Variants in LIN28B observed in about 807,000 individuals in gnomAD.
LIN28B encodes the protein protein lin-28 homolog B.
In LIN28B, 5 loss-of-function variants were observed where a neutral mutation model predicts 21.9. The observed-to-expected ratio is 0.23, with a 90% CI of 0.12 to 0.48. The LOEUF is 0.48. Ranked by LOEUF, LIN28B falls within the 20% of genes least tolerant of loss-of-function variation. LIN28B has a pLI of 0.98. For missense variants in LIN28B, 245 were observed against 310.5 expected (o/e 0.79, Z 1.58); for synonymous variants, 109 against 111.3 (o/e 0.98, Z 0.13).
At chr6:105,050,429 C>T (rs1346366424) in intron 3 of LIN28B, among the ~76,000 whole-genome samples, 110 of 151,064 alleles carry the variant, frequency 7.3e-4, no homozygotes, top group Non-Finnish European at 1.2e-3. Flanking sequence ...GGTGAAACCC[C>T]GTCTCTACTA....
At chr6:104,986,556 GT>G (rs1770350145) in intron 2 of LIN28B, among the ~76,000 whole-genome samples, 1 of 148,194 alleles carries the variant, frequency 6.7e-6, no homozygotes, top group African/African-American at 2.5e-5. Context: ...AAAAGTCTCT[GT>G]GGGGGTTTTG....
intron 2 of LIN28B, among the ~76,000 whole-genome samples, chr6:105,006,048 C>T (rs182237777): frequency 6.6e-6 from 1 of 152,210 alleles, no homozygotes; most frequent in East Asian, 1.9e-4. Flanking sequence ...CCTTTATGTT[C>T]CTTTTTTCTG....
chr6:105,078,322 T>A, intron 3 of LIN28B, 92 bp from the exon 4 acceptor site: 1 of 1,138,782 alleles, frequency 8.8e-7, no homozygotes, highest in South Asian at 1.5e-5. Flanking sequence ...TAAGCTTATC[T>A]CATTGGTAGT....
chr6:104,997,105 C>T (rs1218308970), intron 2 of LIN28B, among the ~76,000 whole-genome samples: 1 of 151,932 alleles, frequency 6.6e-6, no homozygotes, highest in Non-Finnish European at 1.5e-5. Flanking sequence ...CACGGTGAAG[C>T]CCCATCTCTA....
intron 3 of LIN28B, among the ~76,000 whole-genome samples, chr6:105,045,084 A>G (rs755340543): frequency 1.3e-5 from 2 of 152,168 alleles, no homozygotes; most frequent in Admixed American, 6.5e-5. Flanking sequence ...GAGCAGTAAT[A>G]GAAGAAGCAG....
intron 2 of LIN28B, among the ~76,000 whole-genome samples, chr6:104,998,469 A>G (rs1006973491): frequency 1.3e-5 from 2 of 152,140 alleles, no homozygotes; most frequent in Admixed American, 1.3e-4. Context: ...AGACAATAAT[A>G]ATTTGTGATT....
intron 2 of LIN28B, among the ~76,000 whole-genome samples, chr6:104,967,761 C>T (rs1187521238): frequency 6.6e-6 from 1 of 151,960 alleles, no homozygotes; most frequent in Non-Finnish European, 1.5e-5. Flanking sequence ...CTCACTGCAA[C>T]TTCGAACTCC....
At chr6:104,943,638 T>C (rs1778123507) in intron 2 of LIN28B, among the ~76,000 whole-genome samples, 1 of 152,180 alleles carries the variant, frequency 6.6e-6, no homozygotes, top group Admixed American at 6.5e-5. Flanking sequence ...AGCGTTTTCT[T>C]ATTAGGTATT....
upstream of LIN28B, among the ~76,000 whole-genome samples, chr6:104,953,217 A>G (rs1366502814): frequency 6.6e-6 from 1 of 151,730 alleles, no homozygotes; most frequent in African/African-American, 2.4e-5. Context: ...TTTTTTCTTG[A>G]TCCTCCGAAG....
At chr6:105,000,664 A>T in intron 2 of LIN28B, among the ~76,000 whole-genome samples, 1 of 151,554 alleles carries the variant, frequency 6.6e-6, no homozygotes, top group Non-Finnish European at 1.5e-5. Context: ...AAAGAATAAA[A>T]ATTTAAAATA....
At chr6:104,937,330 C>A (rs1778021605) in intron 2 of LIN28B, among the ~76,000 whole-genome samples, 1 of 152,098 alleles carries the variant, frequency 6.6e-6, no homozygotes, top group Non-Finnish European at 1.5e-5. Context: ...GACCATTTTG[C>A]CCAGGCTGGG....
chr6:105,030,989 T>C (rs1771411472), intron 3 of LIN28B, among the ~76,000 whole-genome samples: 1 of 152,122 alleles, frequency 6.6e-6, no homozygotes, highest in Non-Finnish European at 1.5e-5. Flanking sequence ...TTATGAAAAT[T>C]TTTAGAATAC....
chr6:104,976,692 T>G (rs1010028544), intron 2 of LIN28B, among the ~76,000 whole-genome samples: 4 of 152,162 alleles, frequency 2.6e-5, no homozygotes, highest in South Asian at 2.1e-4. Context: ...TAGGAAATTG[T>G]CAGCCTGAGA....
chr6:105,051,992 G>A (rs1285160095), intron 3 of LIN28B, among the ~76,000 whole-genome samples: 2 of 152,204 alleles, frequency 1.3e-5, no homozygotes, highest in East Asian at 1.9e-4. Flanking sequence ...GACTGTTTTA[G>A]ATTAAGTAAT....
chr6:105,032,986 T>C (rs941585047), intron 3 of LIN28B, among the ~76,000 whole-genome samples: 3 of 152,200 alleles, frequency 2.0e-5, no homozygotes, highest in Non-Finnish European at 4.4e-5. Context: ...TCTCCCTGAC[T>C]GTGGCTTGTC....
chr6:104,943,404 G>A lies in LIN28B; in HGVS notation c.18+6288G>A, dbSNP rs112402317. On this transcript the variant is annotated intron_variant, in intron 2 of 5. Transcript: ENST00000635857. ...AACATGTATGAATAACAGTCTTCAGGTGTGAGTGATGTCTCTTTAAAAATA... is the reference window on the plus strand; with the variant it reads ...AACATGTATGAATAACAGTCTTCAGATGTGAGTGATGTCTCTTTAAAAATA... Among the ~76,000 whole-genome samples, 115 of 152,188 alleles carry A rather than the reference G, an allele frequency of 7.6e-4. 1 individual carries two copies. The Middle Eastern group carries it at 0.014, about 18-fold the overall frequency.
intron 2 of LIN28B, among the ~76,000 whole-genome samples, chr6:104,988,569 A>AT (rs369912825): frequency 0.52 from 66,084 of 127,110 alleles, 18,065 homozygotes; most frequent in East Asian, 0.68. Flanking sequence ...GACTACCTAG[A>AT]TTTTTTTTTT....
At chr6:104,991,147 C>A (rs1317588253) in intron 2 of LIN28B, among the ~76,000 whole-genome samples, 5 of 1,254 alleles carry the variant, frequency 4.0e-3, no homozygotes, top group Non-Finnish European at 8.1e-3. Flanking sequence ...CGGGCAGAGG[C>A]GCCCCCCCAC....
At chr6:105,071,320 C>T (rs1413905936) in intron 3 of LIN28B, among the ~76,000 whole-genome samples, 2 of 152,050 alleles carry the variant, frequency 1.3e-5, no homozygotes, top group Non-Finnish European at 2.9e-5. Context: ...GAGATCTTTG[C>T]ATGTCAATAC....
Sources: allele counts gnomAD v4.1 joint callset (sites outside exome capture counted in the v4.1 genomes callset), GRCh38; gene constraint gnomAD v4.1.1; transcripts MANE v1.5; gene names NCBI Gene and HGNC (gene_info 2026-07-23, HGNC 2026-07-21).